Variants in SLC49A3 observed in about 807,000 individuals in gnomAD.
The protein encoded by SLC49A3 is solute carrier family 49 member 3.
In SLC49A3, 50 loss-of-function variants were observed where a neutral mutation model predicts 43.8. The ratio of observed to expected loss-of-function variants is 1.14; its 90% CI spans 0.91 to 1.45. The LOEUF (loss-of-function observed/expected upper bound fraction) is 1.45. Ranked by LOEUF, SLC49A3 falls within the 40% of genes most tolerant of loss-of-function variation. The pLI, the probability that SLC49A3 is intolerant of heterozygous loss-of-function variation, is 0.00. For synonymous variants in SLC49A3, 413 were observed against 352.0 expected (o/e 1.17, Z -1.94); for missense variants, 906 against 774.1 (o/e 1.17, Z -2.02).
In SLC49A3 at chr4:686,158, G is replaced by C; in HGVS notation, c.439C>G (p.Pro147Ala). 6.2e-7 allele frequency: 1 copy of C among 1,613,384 alleles called. No individual in the cohort carries two copies. Among genetic ancestry groups the C allele is most frequent in the Non-Finnish European group, 8.5e-7 (1 of 1,180,006 alleles). Residue 147 changes from proline to alanine, a missense_variant, in exon 3 of 10, where the codon CCA becomes GCA. Physicochemically the swap from Pro to Ala is conservative, Grantham distance 27. Transcript: ENST00000322224. ...ALAQSLVIFSPAKLAALWFPE... is the reference protein window; with the variant it reads ...ALAQSLVIFSAAKLAALWFPE... ...AACCACAAGGCAGCCAGCTTGGCTGGAGAGAAGATGACCAGGCTCTGGGCA... is the reference window on the plus strand; with the variant it reads ...AACCACAAGGCAGCCAGCTTGGCTGCAGAGAAGATGACCAGGCTCTGGGCA...
At chr4:681,697 GCCGCCCCGCCCCCT>G (rs1560157950), downstream of SLC49A3, 48 of 43,618 alleles carry the variant, frequency 1.1e-3, 1 homozygote, top group African/African-American at 4.7e-3. Flanking sequence ...CCCCTCCAGC[GCCGCCCCGCCCCCT>G]CCAGCGCCGC....
At chr4:680,039 C>T, downstream of SLC49A3, 2 of 1,560,936 alleles carry the variant, frequency 1.3e-6, no homozygotes, top group African/African-American at 2.7e-5. Flanking sequence ...GTGGGGCAGG[C>T]CTGGCCCTCC....
At chr4:679,905 C>T, downstream of SLC49A3, 1 of 1,613,238 alleles carries the variant, frequency 6.2e-7, no homozygotes, top group Non-Finnish European at 8.5e-7. Context: ...GCCCCCATGT[C>T]TGTAACAGGC....
In SLC49A3 at chr4:685,255, T is replaced by C. The variant is rs1740756733; in HGVS notation, c.586-399A>G. On this transcript the variant is annotated intron_variant, in intron 4 of 9. Transcript: ENST00000322224. This position sits in a 1 kb window ranked among gnomAD's most constrained non-coding sequence, Gnocchi z 4.3. ...GCACAAACACACCACCCGCACCTGA[T>C]ACACATGCACGAGCACACACAGGTA... Among the ~76,000 whole-genome samples the C allele has an allele frequency of 6.6e-6, 1 of 152,048 alleles. No individual in the cohort carries two copies. The highest frequency in any genetic ancestry group is 6.6e-5 in the Admixed American group (1 of 15,260).
downstream of SLC49A3, chr4:678,850 C>G (rs1739129216): frequency 1.0e-5 from 16 of 1,606,914 alleles, no homozygotes; most frequent in Middle Eastern, 1.7e-4. Context: ...CCAGGGCCAG[C>G]AGGAGTGGAA....
At chr4:678,341 C>T, downstream of SLC49A3, 1 of 1,416,130 alleles carries the variant, frequency 7.1e-7, no homozygotes, top group Non-Finnish European at 9.2e-7. Context: ...CACCCAGAGT[C>T]CACTTGCCCC....
At chr4:680,691 C>G (rs1485979445), downstream of SLC49A3, 31 of 1,159,620 alleles carry the variant, frequency 2.7e-5, no homozygotes, top group South Asian at 4.0e-5. Flanking sequence ...GCCCACCTCC[C>G]CACCTCTGAC....
chr4:678,116 C>G (rs1171722745), downstream of SLC49A3: 1 of 1,579,642 alleles, frequency 6.3e-7, no homozygotes, highest in Non-Finnish European at 8.6e-7. Context: ...CGAGCGTGGG[C>G]GTGTCCGTGC....
At position 686,157 on chromosome 4, in the gene SLC49A3, G is replaced by A; in HGVS notation, c.440C>T (p.Pro147Leu). The A allele has an allele frequency of 6.2e-7, 1 of 1,613,360 alleles. No homozygotes were observed. Reference sequence around the variant, plus strand: ...GAACCACAAGGCAGCCAGCTTGGCTGGAGAGAAGATGACCAGGCTCTGGGC... The same window carrying A: ...GAACCACAAGGCAGCCAGCTTGGCTAGAGAGAAGATGACCAGGCTCTGGGC... Reference protein sequence around the residue: ...ALAQSLVIFSPAKLAALWFPE... With the variant: ...ALAQSLVIFSLAKLAALWFPE... Residue 147 changes from proline to leucine, a missense_variant, in exon 3 of 10, where the codon CCA becomes CTA. By Grantham distance (98) the Pro-to-Leu change is moderately conservative. Coordinates refer to ENST00000322224, the MANE Select transcript of SLC49A3 (RefSeq NM_032219.4).
upstream of SLC49A3, among the ~76,000 whole-genome samples, chr4:689,702 C>A (rs1438956071): frequency 1.3e-5 from 2 of 152,276 alleles, no homozygotes; most frequent in East Asian, 3.8e-4. Flanking sequence ...GGCCTGTGGG[C>A]CCCACCCTGG....
In SLC49A3 at chr4:682,775, G is replaced by C; in HGVS notation, c.1261+6C>G. 6.4e-7 allele frequency: 1 copy of C among 1,563,550 alleles called. No homozygotes were observed. On this transcript the variant is annotated splice_donor_region_variant and intron_variant, in intron 9 of 9. Coordinates refer to ENST00000322224, the MANE Select transcript of SLC49A3 (RefSeq NM_032219.4). ...GTTCCCTGGGGACTCCCCATGTGAG[G>C]CTCACCTGTCCAGTCAAGTGGATCC...
At chr4:686,393 C>T (rs1028092165) in intron 2 of SLC49A3, 91 bp from the exon 3 acceptor site, 14 of 1,572,126 alleles carry the variant, frequency 8.9e-6, no homozygotes, top group South Asian at 8.3e-5. Context: ...CTCCCACTGC[C>T]GCCACCTCGA....
At chr4:677,068 G>A (rs1340346343), downstream of SLC49A3, among the ~76,000 whole-genome samples, 1 of 152,196 alleles carries the variant, frequency 6.6e-6, no homozygotes, top group African/African-American at 2.4e-5. Context: ...TGCTGTTGTG[G>A]CTGCATATAG....
At chr4:688,332 A>ACCCAGGCCTGAGAGTGACTCCTGC (rs1276464820) in intron 1 of SLC49A3, among the ~76,000 whole-genome samples, 2 of 152,084 alleles carry the variant, frequency 1.3e-5, no homozygotes, top group African/African-American at 4.8e-5. Flanking sequence ...AAGAGCCCTG[A>ACCCAGGCCTGAGAGTGACTCCTGC]CCCAGGCCTG....
chr4:680,942 G>T (rs1577337868), downstream of SLC49A3: 4 of 874,808 alleles, frequency 4.6e-6, no homozygotes, highest in East Asian at 7.9e-5. Context: ...TGTGTGTTGG[G>T]AAGGGACCTG....
Position 689,100 on chromosome 4 carries a change from C to A in SLC49A3, c.28G>T (p.Gly10Trp). The change falls in exon 1 of 10, where the codon GGG (glycine) becomes TGG (tryptophan). Residue 10 changes from glycine to tryptophan, a missense_variant. Coordinates refer to ENST00000322224, the MANE Select transcript of SLC49A3 (RefSeq NM_032219.4). ...CACAGGGCCCGGGGCTCGGCCAACCCCGTCTCGGCCTCCGTCGGCCCCGCC... is the reference window on the plus strand; with the variant it reads ...CACAGGGCCCGGGGCTCGGCCAACCACGTCTCGGCCTCCGTCGGCCCCGCC... MAGPTEAET[G>W]LAEPRALCAQ... is the part of the protein sequence containing the mutation. 6.8e-7 allele frequency: 1 copy of A among 1,467,298 alleles called. No homozygotes were observed. The highest frequency in any genetic ancestry group is 8.9e-7 in the Non-Finnish European group (1 of 1,117,580). The allele number at this position is 1,467,298 out of a possible 1,614,324, so 90.9% of individuals were successfully genotyped here.
chr4:682,931 C>A (rs1225705342), intron 8 of SLC49A3, 41 bp from the exon 9 acceptor site: 1 of 1,477,102 alleles, frequency 6.8e-7, no homozygotes, highest in African/African-American at 1.4e-5. Flanking sequence ...CACTGCCCAC[C>A]CCCTCGGAGC....
upstream of SLC49A3, among the ~76,000 whole-genome samples, chr4:690,178 TTG>T (rs1202888905): frequency 1.3e-5 from 2 of 152,148 alleles, no homozygotes; most frequent in Non-Finnish European, 2.9e-5. Flanking sequence ...TCTGCAGGGA[TTG>T]TGTGTGTGTC....
upstream of SLC49A3, among the ~76,000 whole-genome samples, chr4:689,795 G>T (rs1741721094): frequency 6.6e-6 from 1 of 152,254 alleles, no homozygotes; most frequent in Non-Finnish European, 1.5e-5. Context: ...GTAGGCACAG[G>T]TTTCTGTTTG....
Sources: gnomAD v4.1 joint callset for allele counts (sites outside exome capture counted in the v4.1 genomes callset) on GRCh38, gnomAD v4.1.1 for gene constraint, Gnocchi (gnomAD v3.1) non-coding constraint, MANE v1.5 for transcripts, NCBI Gene and HGNC (gene_info 2026-07-23, HGNC 2026-07-21) for gene names.